The following HIP1 variants were observed in gnomAD, a reference collection of about 807,000 sequenced individuals.
HIP1 encodes the protein huntingtin-interacting protein 1.
Under a neutral mutation model 147.6 loss-of-function variants are expected in HIP1, and 65 were observed. That is an observed-to-expected ratio of 0.44 (90% CI 0.36 to 0.54). The LOEUF (loss-of-function observed/expected upper bound fraction) is 0.54, where lower values mean the gene tolerates loss of function less well. Among genes scored for constraint, HIP1 ranks in the 20% least tolerant of loss-of-function variants. The pLI is 0.00. For missense variants in HIP1, 1,061 were observed against 1,299.6 expected, an observed-to-expected ratio of 0.82 and a Z score of 2.82; for synonymous variants, 479 against 504.0, an observed-to-expected ratio of 0.95 and a Z score of 0.67.
intron 1 of HIP1, among the ~76,000 whole-genome samples, chr7:75,656,546 C>T (rs1186548740): frequency 1.3e-5 from 2 of 152,102 alleles, no homozygotes; most frequent in African/African-American, 2.4e-5. Context: ...GGCATGATCT[C>T]GGCTCACCGC....
intron 1 of HIP1, among the ~76,000 whole-genome samples, chr7:75,641,115 G>A (rs1798636968): frequency 6.6e-6 from 1 of 152,058 alleles, no homozygotes; most frequent in African/African-American, 2.4e-5. Flanking sequence ...GAGACCAGCT[G>A]GGCAACATGG....
rs781980080 is a variant in HIP1 at position 75,541,938 on chromosome 7, C to G, written c.2933G>C (p.Arg978Pro). 1 of 1,613,500 alleles carries G rather than the reference C, an allele frequency of 6.2e-7. No homozygotes were observed. The highest frequency in any genetic ancestry group is 2.2e-5 in the East Asian group (1 of 44,874). The change falls in exon 29 of 31, where the codon CGC becomes CCC. Residue 978 changes from arginine to proline, a missense_variant. This residue lies in a region of HIP1 where 810 missense variants were observed against 946.8 expected (regional missense o/e 0.86). Coordinates refer to ENST00000336926, the MANE Select transcript of HIP1 (RefSeq NM_005338.7). ...FSSMTLTQIK[R>P]QEMDSQVRVL... ...TCTCACCTGAGAATCCATCTCTTGG[C>G]GTTTGATCTGTGTCAGCGTCATGCT...
chr7:75,675,264 C>T (rs1400097412), intron 1 of HIP1, among the ~76,000 whole-genome samples: 1 of 151,894 alleles, frequency 6.6e-6, no homozygotes, highest in Non-Finnish European at 1.5e-5. Context: ...GCAGTGGTAC[C>T]ATCTCAGCTC....
intron 4 of HIP1, among the ~76,000 whole-genome samples, chr7:75,591,810 T>C (rs1370541946): frequency 1.3e-5 from 2 of 151,788 alleles, no homozygotes; most frequent in African/African-American, 4.8e-5. Flanking sequence ...CATGAGTTTA[T>C]GAGTTTTCAT....
rs1563198925 is a variant in HIP1, at chr7:75,555,187, CGGGGGGGCGGG to C, written c.1963+218_1963+228del. 3.8e-4 allele frequency among the ~76,000 whole-genome samples: 3 copies of C among 7,820 alleles called. No homozygotes were observed. In the South Asian group the frequency reaches 5.8e-3, roughly 15 times the overall value. 5.1% of individuals were successfully genotyped at this position (7,820 alleles called of 152,430 possible). ...CAGAGTAAGACCCTATCTCAAAAAG[CGGGGGGGCGGG>C]GGGGGGGAAGAAAATACTAAAATAC... On this transcript the variant is annotated intron_variant, in intron 19 of 30. Transcript: ENST00000336926.
chr7:75,601,223 TG>T (rs1274780478), intron 1 of HIP1, among the ~76,000 whole-genome samples: 3 of 152,144 alleles, frequency 2.0e-5, no homozygotes, highest in African/African-American at 7.2e-5. Context: ...TGGTGGTTGA[TG>T]GTATAGACCC....
chr7:75,641,492 GCT>G (rs1491320357), intron 1 of HIP1, among the ~76,000 whole-genome samples: 5 of 147,578 alleles, frequency 3.4e-5, no homozygotes, highest in African/African-American at 7.5e-5. Flanking sequence ...CTCCTTGTTT[GCT>G]TTTTTTTTTT....
intron 1 of HIP1, among the ~76,000 whole-genome samples, chr7:75,609,406 C>T (rs1311478384): frequency 6.6e-6 from 1 of 152,124 alleles, no homozygotes; most frequent in Non-Finnish European, 1.5e-5. Flanking sequence ...GGCAGAAGTT[C>T]CCTGCGAGGA....
At chr7:75,644,577 G>C (rs1481370795) in intron 1 of HIP1, among the ~76,000 whole-genome samples, 2 of 152,116 alleles carry the variant, frequency 1.3e-5, no homozygotes, top group African/African-American at 4.8e-5. Flanking sequence ...TTACAGGTGT[G>C]AGACACTGGC....
intron 1 of HIP1, among the ~76,000 whole-genome samples, chr7:75,606,921 T>C (rs977717900): frequency 7.2e-5 from 11 of 151,914 alleles, no homozygotes; most frequent in Admixed American, 6.6e-4. Context: ...GTACCTGAGA[T>C]CTCTTAGGCT....
chr7:75,590,846 T>C (rs587612197), intron 4 of HIP1, among the ~76,000 whole-genome samples: 1 of 152,264 alleles, frequency 6.6e-6, no homozygotes, highest in Non-Finnish European at 1.5e-5. Context: ...GTACCTAATT[T>C]TGTGACTTTA....
At chr7:75,685,693 C>G (rs1045341717) in intron 1 of HIP1, among the ~76,000 whole-genome samples, 2 of 151,988 alleles carry the variant, frequency 1.3e-5, no homozygotes, top group Non-Finnish European at 2.9e-5. Flanking sequence ...GGATTACAGG[C>G]ACCCGCCACC....
At chr7:75,616,293 A>G (rs28395219) in intron 1 of HIP1, among the ~76,000 whole-genome samples, 33,025 of 151,762 alleles carry the variant, frequency 0.22, 4,391 homozygotes, top group African/African-American at 0.38. Flanking sequence ...GTTTAGGGAC[A>G]GAGTCTTGCT....
chr7:75,547,721 C>G, intron 24 of HIP1, 34 bp downstream of exon 24: 1 of 1,575,162 alleles, frequency 6.3e-7, no homozygotes, highest in Non-Finnish European at 8.7e-7. Context: ...ACAGATCCTG[C>G]TCCCCTAGGT....
intron 1 of HIP1, among the ~76,000 whole-genome samples, chr7:75,688,169 G>A (rs782270231): frequency 6.6e-6 from 1 of 152,138 alleles, no homozygotes; most frequent in Non-Finnish European, 1.5e-5. Context: ...CATCCTGGAT[G>A]CAACACAGCA....
chr7:75,681,346 A>T (rs1047797366), intron 1 of HIP1, among the ~76,000 whole-genome samples: 1 of 151,904 alleles, frequency 6.6e-6, no homozygotes, highest in Admixed American at 6.6e-5. Flanking sequence ...GCCTTTGCAC[A>T]TGCTGGGACC....
rs1554489989 is a variant in HIP1, at chr7:75,541,979, G to A, written c.2892C>T (p.Asp964=). Residue 964 remains aspartate (D), a splice_region_variant and synonymous_variant, in exon 29 of 31, where the codon GAC becomes GAT. Coordinates refer to ENST00000336926, the MANE Select transcript of HIP1 (RefSeq NM_005338.7). ...GCGTCATGCTTGAGAAGTCCATGTT[G>A]TCTGCAAGGATGGAAACAAGAAGGT... is the stretch of plus-strand genomic sequence containing the variant. ...ISGKSQIEET[D]NMDFSSMTLT... 1 of 1,613,500 alleles carries A rather than the reference G, an allele frequency of 6.2e-7. No homozygotes were observed. The highest frequency in any genetic ancestry group is 1.1e-5 in the South Asian group (1 of 91,078).
chr7:75,580,736 C>G (rs1337274246), intron 7 of HIP1, among the ~76,000 whole-genome samples: 1 of 151,876 alleles, frequency 6.6e-6, no homozygotes, highest in Non-Finnish European at 1.5e-5. Flanking sequence ...GAGACCTTCT[C>G]TCTCTCTCTC....
chr7:75,542,946 A>G lies in HIP1; in HGVS notation c.2795T>C (p.Leu932Pro), dbSNP rs782167190. 6.2e-7 allele frequency: 1 copy of G among 1,613,980 alleles called. No homozygotes were observed. The highest frequency in any genetic ancestry group is 2.2e-5 in the East Asian group (1 of 44,858). Residue 932 changes from leucine (L) to proline (P), a missense_variant, in exon 28 of 31, where the codon CTA becomes CCA. Leu to Pro is a moderately conservative substitution (Grantham distance 98, BLOSUM62 -3). Around this residue, in one of 3 missense-constraint regions of HIP1, gnomAD observed 810 missense variants for 946.8 expected, o/e 0.86. Transcript: ENST00000336926. Reference sequence around the variant, plus strand: ...CCGAGAGGCCTGCTGCAGCTGGGCTAGGTTGGGGCTGTCCTTATCAGCTTT... The same window carrying G: ...CCGAGAGGCCTGCTGCAGCTGGGCTGGGTTGGGGCTGTCCTTATCAGCTTT... ...KVKADKDSPNLAQLQQASRGV... is the reference protein window; with the variant it reads ...KVKADKDSPNPAQLQQASRGV...
Sources: gnomAD v4.1 joint callset for allele counts (sites outside exome capture counted in the v4.1 genomes callset) on GRCh38, gnomAD v4.1.1 for gene constraint, gnomAD v4.1.1 regional missense constraint, MANE v1.5 for transcripts, NCBI Gene and HGNC (gene_info 2026-07-23, HGNC 2026-07-21) for gene names.